The following MCM6 variants were observed in gnomAD, a reference collection of about 807,000 sequenced individuals.
The protein encoded by MCM6 is DNA replication licensing factor MCM6.
Under a neutral mutation model 94.3 loss-of-function variants are expected in MCM6, and 46 were observed. The ratio of observed to expected loss-of-function variants is 0.49; its 90% CI spans 0.39 to 0.62. The LOEUF is 0.62. Ranked by LOEUF, MCM6 falls within the 20% of genes least tolerant of loss-of-function variation. The pLI is 0.00. For synonymous variants in MCM6, 335 were observed against 351.9 expected, an observed-to-expected ratio of 0.95 and a Z score of 0.54; for missense variants, 865 against 1,017.9, an observed-to-expected ratio of 0.85 and a Z score of 2.04.
chr2:135,846,264 C>T lies in MCM6; in HGVS notation c.2182G>A (p.Val728Met). ...SEYCRISNLI[V>M]LHLRKVEEEE... ...TCTTCCACCTTTCTGAGGTGAAGCA[C>T]AATAAGGTTAGAGATTCGGCAGTAC... is the stretch of plus-strand genomic sequence containing the variant. Residue 728 changes from valine to methionine, a missense_variant, in exon 15 of 17, where the codon GTG becomes ATG. Physicochemically the swap from Val to Met is conservative, Grantham distance 21. This residue lies in a region of MCM6 where 308 missense variants were observed against 324.5 expected (regional missense o/e 0.95). Transcript: ENST00000264156. The T allele has an allele frequency of 6.2e-7, 1 of 1,614,082 alleles. No homozygotes were observed. Among genetic ancestry groups the T allele is most frequent in the Non-Finnish European group, 8.5e-7 (1 of 1,179,992 alleles).
chr2:135,850,273 G>A (rs957725769), intron 13 of MCM6, among the ~76,000 whole-genome samples: 7 of 152,004 alleles, frequency 4.6e-5, no homozygotes, highest in Admixed American at 4.6e-4. Context: ...TGGTTGTGAT[G>A]CTCTATTCTC....
Position 135,868,800 on chromosome 2 carries a change from C to T in MCM6, c.426G>A (p.Val142=), listed in dbSNP as rs1453363324. The change falls in exon 4 of 17, where the codon GTG becomes GTA. Residue 142 remains valine (V), a synonymous_variant. Coordinates refer to ENST00000264156, the MANE Select transcript of MCM6 (RefSeq NM_005915.6). The part of the protein sequence containing the change: ...GLLTRISGQV[V]RTHPVHPELV... The stretch of plus-strand genomic sequence containing the variant: ...GCTCTGGGTGAACTGGGTGAGTCCG[C>T]ACCACCTGCCCACTGATGCGAGTGA... 3.7e-6 allele frequency: 6 copies of T among 1,614,176 alleles called. No homozygotes were observed. The highest frequency in any genetic ancestry group is 1.6e-4 in the Middle Eastern group (1 of 6,062).
rs1276485877 is a variant in MCM6, at chr2:135,844,532, C to A, written c.2349+13G>T. On this transcript the variant is annotated intron_variant, in intron 16 of 16. Coordinates refer to ENST00000264156, the MANE Select transcript of MCM6 (RefSeq NM_005915.6). ...CCTCCCTGATACCAGAGCACGCGCA[C>A]TTCTGCACCTACATAGTGTGTGAGT... 6.6e-7 allele frequency: 1 copy of A among 1,522,354 alleles called. No homozygotes were observed. The highest frequency in any genetic ancestry group is 8.8e-7 in the Non-Finnish European group (1 of 1,136,414). 94.3% of individuals were successfully genotyped at this position (1,522,354 alleles called of 1,614,324 possible).
chr2:135,872,744 T>C lies in MCM6; in HGVS notation c.207A>G (p.Glu69=). 1 of 1,614,198 alleles carries C rather than the reference T, an allele frequency of 6.2e-7. No homozygotes were observed. The highest frequency in any genetic ancestry group is 8.5e-7 in the Non-Finnish European group (1 of 1,180,050). ...NTLVVSFVDL[E]QFNQQLSTTI... ...TGGTGGAAAGTTGCTGGTTAAATTG[T>C]TCCAGGTCCACAAAACTCACAACCA... The change falls in exon 2 of 17, where the codon GAA becomes GAG. Residue 69 remains glutamate (E), a synonymous_variant. Coordinates refer to ENST00000264156, the MANE Select transcript of MCM6 (RefSeq NM_005915.6).
At chr2:135,872,444 C>T (rs1466927358) in intron 2 of MCM6, among the ~76,000 whole-genome samples, 2 of 149,474 alleles carry the variant, frequency 1.3e-5, no homozygotes, top group African/African-American at 2.5e-5. Flanking sequence ...AGCAAGACTC[C>T]GTCTCAAAAA....
chr2:135,846,548 G>T (rs1679674898), intron 14 of MCM6, among the ~76,000 whole-genome samples, 156 bp from the exon 15 acceptor site: 1 of 151,958 alleles, frequency 6.6e-6, no homozygotes, highest in African/African-American at 2.4e-5. Flanking sequence ...TTGCTATGCT[G>T]CCCAGGCTGG....
chr2:135,852,169 C>T (rs4988230), intron 12 of MCM6, among the ~76,000 whole-genome samples: 136 of 152,310 alleles, frequency 8.9e-4, no homozygotes, highest in African/African-American at 3.2e-3. Context: ...ACTGCAATCT[C>T]ATGAATAATC....
At chr2:135,853,219 A>G (rs1679809345) in intron 11 of MCM6, among the ~76,000 whole-genome samples, 2 of 152,200 alleles carry the variant, frequency 1.3e-5, no homozygotes, top group Non-Finnish European at 2.9e-5. Flanking sequence ...GACTGATGTG[A>G]GAGAAGAGCT....
intron 14 of MCM6, among the ~76,000 whole-genome samples, chr2:135,846,953 G>A (rs1679682424): frequency 6.6e-6 from 1 of 151,608 alleles, no homozygotes; most frequent in Admixed American, 6.6e-5. Flanking sequence ...GCAGTGAGAT[G>A]AGATTGCACC....
At position 135,840,235 on chromosome 2, in the gene MCM6, A is replaced by C. The variant is rs76855121; in HGVS notation, c.*600T>G. ...ACTTTTATAAACTTAAAAAAAAAAA[A>C]AAACAACTGGAATTAACCTTGGAAA... On this transcript the variant is annotated 3_prime_UTR_variant, in exon 17 of 17. Transcript: ENST00000264156. 7.5e-5 allele frequency: 11 copies of C among 145,830 alleles called. No homozygotes were observed. The highest frequency in any genetic ancestry group is 4.5e-4 in the South Asian group (2 of 4,418). The allele number at this position is 145,830 out of a possible 1,614,324, so 9.0% of individuals were successfully genotyped here. A position where few individuals can be genotyped will look rare whatever the true frequency, so the allele number is the denominator to read the frequency against.
Position 135,840,899 on chromosome 2 carries a change from C to A in MCM6, c.2402G>T (p.Gly801Val). 1 of 1,614,180 alleles carries A rather than the reference C, an allele frequency of 6.2e-7. No homozygotes were observed. The highest frequency in any genetic ancestry group is 8.5e-7 in the Non-Finnish European group (1 of 1,180,010). ...GGGATCTTCTTCATAGCTCTCACTT[C>A]CCTCTGTGGAGCCTTTCAATCCAGC... ...TQAGLKGSTE[G>V]SESYEEDPYL... Residue 801 changes from glycine (G) to valine (V), a missense_variant, in exon 17 of 17, where the codon GGA becomes GTA. This residue lies in a region of MCM6 where 308 missense variants were observed against 324.5 expected (regional missense o/e 0.95). Transcript: ENST00000264156.
intron 1 of MCM6, among the ~76,000 whole-genome samples, chr2:135,875,006 C>G (rs771085773): frequency 6.6e-6 from 1 of 152,084 alleles, no homozygotes; most frequent in Non-Finnish European, 1.5e-5. Flanking sequence ...TGGTGGGTGA[C>G]GGTGGCTGAG....
chr2:135,851,788 G>C, intron 12 of MCM6: 1 of 357,904 alleles, frequency 2.8e-6, no homozygotes, highest in South Asian at 8.7e-5. Context: ...CCTGAAAAAA[G>C]GCTTAGTATT....
At position 135,853,036 on chromosome 2, in the gene MCM6, T is replaced by C. The variant is rs535296863; in HGVS notation, c.1627-121A>G. 60 of 768,188 alleles carry C rather than the reference T, an allele frequency of 7.8e-5. No individual in the cohort carries two copies. In the African/African-American group the frequency reaches 9.2e-4, roughly 12 times the overall value. The allele number at this position is 768,188 out of a possible 1,614,324, so 47.6% of individuals were successfully genotyped here. A position where few individuals can be genotyped will look rare whatever the true frequency, so the allele number is the denominator to read the frequency against. ...TCTAATATACCACTTAAAGAAGTAT[T>C]AATGGGTACCAAGTTTCTGATGAAA... is the stretch of plus-strand genomic sequence containing the variant. On this transcript the variant is annotated intron_variant, in intron 11 of 16. Coordinates refer to ENST00000264156, the MANE Select transcript of MCM6 (RefSeq NM_005915.6).
chr2:135,869,608 T>G (rs1287560083), intron 3 of MCM6, among the ~76,000 whole-genome samples: 1 of 152,148 alleles, frequency 6.6e-6, no homozygotes, highest in East Asian at 1.9e-4. Flanking sequence ...TTTCAGTAGT[T>G]TAACTTTTCA....
chr2:135,872,886 T>C, intron 1 of MCM6, 43 bp from the exon 2 acceptor site: 2 of 1,604,022 alleles, frequency 1.2e-6, no homozygotes, highest in Admixed American at 1.7e-5. Context: ...ACACAGGCAG[T>C]ACAAAGAACC....
chr2:135,862,889 C>T, intron 7 of MCM6, 141 bp from the exon 8 acceptor site: 1 of 775,056 alleles, frequency 1.3e-6, no homozygotes, highest in South Asian at 1.8e-5. Context: ...GTAATAACAC[C>T]TGGCTTCCGA....
At position 135,840,830 on chromosome 2, in the gene MCM6, CT is replaced by C; in HGVS notation, c.*4del. 6.3e-7 allele frequency: 1 copy of C among 1,598,016 alleles called. No individual in the cohort carries two copies. The highest frequency in any genetic ancestry group is 8.6e-7 in the Non-Finnish European group (1 of 1,165,330). On this transcript the variant is annotated 3_prime_UTR_variant, in exon 17 of 17. Transcript: ENST00000264156. ...CCTCAGCTCTGGTCAGTTACTTTCACTATCTCAATCTTCGAGCAAGTAGTTA... is the reference window on the plus strand; with the variant it reads ...CCTCAGCTCTGGTCAGTTACTTTCACATCTCAATCTTCGAGCAAGTAGTTA...
At chr2:135,864,501 G>A (rs1680053810) in intron 7 of MCM6, among the ~76,000 whole-genome samples, 1 of 151,638 alleles carries the variant, frequency 6.6e-6, no homozygotes, top group Admixed American at 6.6e-5. Context: ...AAGGCCAGGA[G>A]ACTACAACCA....
Sources: allele counts gnomAD v4.1 joint callset (sites outside exome capture counted in the v4.1 genomes callset), GRCh38; gene constraint gnomAD v4.1.1; regional missense constraint gnomAD v4.1.1; transcripts MANE v1.5; gene names NCBI Gene and HGNC (gene_info 2026-07-23, HGNC 2026-07-21).